DDX59: variants seen among roughly 807,000 people sequenced by gnomAD.
DDX59 encodes DEAD-box helicase 59, also known as probable ATP-dependent RNA helicase DDX59.
Under a neutral mutation model 51.9 loss-of-function variants are expected in DDX59, and 30 were observed. The observed-to-expected ratio is 0.58, with a 90% CI of 0.43 to 0.78. The LOEUF (loss-of-function observed/expected upper bound fraction) is 0.78, where lower values mean the gene tolerates loss of function less well. Ranked by LOEUF, DDX59 falls within the 30% of genes least tolerant of loss-of-function variation. The pLI is 0.00. For missense variants in DDX59, 672 were observed against 730.8 expected (o/e 0.92, Z 0.93); for synonymous variants, 255 against 253.3 (o/e 1.01, Z -0.06).
intron 7 of DDX59, 93 bp from the exon 8 acceptor site, chr1:200,644,610 T>TACTG (rs1157516962): frequency 1.0e-5 from 15 of 1,440,530 alleles, no homozygotes; most frequent in African/African-American, 4.3e-5. Flanking sequence ...AAAGTAGCAT[T>TACTG]ACTGGCTGGG....
rs1360411521 is a variant in DDX59 at position 200,650,481 on chromosome 1, T to C, written c.1258A>G (p.Ile420Val). 4.3e-6 allele frequency: 7 copies of C among 1,613,990 alleles called. No homozygotes were observed. The highest frequency in any genetic ancestry group is 5.9e-6 in the Non-Finnish European group (7 of 1,179,886). ...GCTGGGTCTTCTACCCACAAAATAATCTGACGTACATTGGCACAAGGTAGG... is the reference window on the plus strand; with the variant it reads ...GCTGGGTCTTCTACCCACAAAATAACCTGACGTACATTGGCACAAGGTAGG... ...KNLPCANVRQ[I>V]ILWVEDPAKK... Residue 420 changes from isoleucine (I) to valine (V), a missense_variant, in exon 5 of 8, where the codon ATT becomes GTT. Physicochemically the swap from Ile to Val is conservative, Grantham distance 29. Coordinates refer to ENST00000331314, the MANE Select transcript of DDX59 (RefSeq NM_001031725.6).
intron 1 of DDX59, among the ~76,000 whole-genome samples, chr1:200,667,036 G>A (rs1390774900): frequency 2.0e-5 from 3 of 151,188 alleles, no homozygotes; most frequent in Non-Finnish European, 4.4e-5. Context: ...TGATCCCGGG[G>A]GGCAGAGATT....
chr1:200,642,866 G>A (rs762514466), downstream of DDX59, among the ~76,000 whole-genome samples: 5 of 152,054 alleles, frequency 3.3e-5, no homozygotes, highest in African/African-American at 7.2e-5. Context: ...AATGACCGAC[G>A]CAATAAAAAA....
chr1:200,659,036 T>G lies in DDX59; in HGVS notation c.1053A>C (p.Val351=). 6.2e-7 allele frequency: 1 copy of G among 1,611,114 alleles called. No individual in the cohort carries two copies. The highest frequency in any genetic ancestry group is 8.5e-7 in the Non-Finnish European group (1 of 1,178,676). ...AAATACCACTACTTACTTCATCTAC[T>G]ACCACAATCTTTACACCACAGAGTT... is the stretch of plus-strand genomic sequence containing the variant. The part of the protein sequence containing the change: ...SVELCGVKIV[V]VDEADTMLKM... Residue 351 remains valine (V), a synonymous_variant, in exon 4 of 8, where the codon GTA becomes GTC. Transcript: ENST00000331314.
At chr1:200,654,105 C>G (rs1661845493) in intron 4 of DDX59, among the ~76,000 whole-genome samples, 1 of 152,172 alleles carries the variant, frequency 6.6e-6, no homozygotes, top group South Asian at 2.1e-4. Flanking sequence ...TGGCCCAAAC[C>G]TCTCTGAAGA....
intron 4 of DDX59, among the ~76,000 whole-genome samples, chr1:200,653,782 C>T (rs531566387): frequency 2.6e-5 from 4 of 152,176 alleles, no homozygotes; most frequent in Non-Finnish European, 5.9e-5. Flanking sequence ...TGAAAGTCTT[C>T]CCTCCAGATG....
At chr1:200,647,864 C>A (rs1164624925) in intron 7 of DDX59, among the ~76,000 whole-genome samples, 2 of 151,182 alleles carry the variant, frequency 1.3e-5, no homozygotes, top group Admixed American at 6.6e-5. Context: ...ATCCAAGTTA[C>A]TTGGGAGGCT....
intron 7 of DDX59, among the ~76,000 whole-genome samples, chr1:200,647,463 T>TA (rs748315574): frequency 5.2e-4 from 79 of 152,164 alleles, no homozygotes; most frequent in Middle Eastern, 3.4e-3. Flanking sequence ...TTTTTGATTA[T>TA]AAAATCTCAC....
chr1:200,644,284 T>C lies in DDX59; in HGVS notation c.1830A>G (p.Arg610=). Residue 610 remains arginine (R), a synonymous_variant, in exon 8 of 8, where the codon AGA becomes AGG. Transcript: ENST00000331314. Reference sequence around the variant, plus strand: ...TCTGAGAATTACTTTTATCATGTTTTCTGATAATATCCATAAGATTAGCTC... The same window carrying C: ...TCTGAGAATTACTTTTATCATGTTTCCTGATAATATCCATAAGATTAGCTC... The part of the protein sequence containing the change: ...VTGANLMDII[R]KHDKSNSQK 6.4e-7 allele frequency: 1 copy of C among 1,561,326 alleles called. No individual in the cohort carries two copies.
In DDX59 at chr1:200,654,071, T is replaced by C. The variant is rs1276093985; in HGVS notation, c.1063-3395A>G. Among the ~76,000 whole-genome samples, 7 of 152,284 alleles carry C rather than the reference T, an allele frequency of 4.6e-5. No individual in the cohort carries two copies. In the East Asian group the frequency reaches 1.4e-3, roughly 29 times the overall value. On this transcript the variant is annotated intron_variant, in intron 4 of 7. Coordinates refer to ENST00000331314, the MANE Select transcript of DDX59 (RefSeq NM_001031725.6). ...TAAGCACTGAATAAGCACCTTCCTA[T>C]GTCAGGCAACTTACTAGTCAGTGTG...
intron 4 of DDX59, among the ~76,000 whole-genome samples, chr1:200,653,572 A>T (rs1661809299): frequency 6.6e-6 from 1 of 152,206 alleles, no homozygotes; most frequent in African/African-American, 2.4e-5. Flanking sequence ...TCCTCTGCTT[A>T]AACCCTCCAA....
chr1:200,659,284 A>C (rs1471526378), intron 3 of DDX59, among the ~76,000 whole-genome samples, 168 bp from the exon 4 acceptor site: 1 of 152,244 alleles, frequency 6.6e-6, no homozygotes, highest in East Asian at 1.9e-4. Flanking sequence ...CTTGTAATAC[A>C]AAGGAAGAAA....
chr1:200,644,448 G>C lies in DDX59; in HGVS notation c.1666C>G (p.Leu556Val), dbSNP rs1661167030. 2 of 1,612,178 alleles carry C rather than the reference G, an allele frequency of 1.2e-6. 1 individual carries two copies. The change falls in exon 8 of 8, where the codon CTC (leucine) becomes GTC (valine). Residue 556 changes from leucine to valine, a missense_variant. Transcript: ENST00000331314. Reference sequence around the variant, plus strand: ...ACTCGTTTTGCAATATCCCAGAAGAGTCTTTTTGAATTATTATTGATGAAA... The same window carrying C: ...ACTCGTTTTGCAATATCCCAGAAGACTCTTTTTGAATTATTATTGATGAAA... Reference protein sequence around the residue: ...ITFINNNSKRLFWDIAKRVKP... With the variant: ...ITFINNNSKRVFWDIAKRVKP...
intron 7 of DDX59, among the ~76,000 whole-genome samples, chr1:200,645,111 A>G (rs575799297): frequency 2.0e-5 from 3 of 152,234 alleles, no homozygotes; most frequent in Admixed American, 1.3e-4. Flanking sequence ...TTATACCTGT[A>G]TGGGTGGTGT....
chr1:200,657,934 A>G (rs545963293), intron 4 of DDX59, among the ~76,000 whole-genome samples: 1 of 152,012 alleles, frequency 6.6e-6, no homozygotes, highest in East Asian at 1.9e-4. Context: ...AAAAAAAGCC[A>G]TTTTCACCAT....
intron 3 of DDX59, among the ~76,000 whole-genome samples, chr1:200,661,396 GA>G (rs1335430514): frequency 6.6e-6 from 1 of 151,962 alleles, no homozygotes; most frequent in African/African-American, 2.4e-5. Flanking sequence ...ACTCAAAGGG[GA>G]AAAAAATAAA....
At chr1:200,650,885 T>C (rs1433467999) in intron 4 of DDX59, among the ~76,000 whole-genome samples, 1 of 152,326 alleles carries the variant, frequency 6.6e-6, no homozygotes, top group East Asian at 1.9e-4. Context: ...AGATTGTTAT[T>C]ATTGGCATTA....
At chr1:200,648,970 TA>T in intron 6 of DDX59, 103 bp downstream of exon 6, 1 of 1,179,770 alleles carries the variant, frequency 8.5e-7, no homozygotes. Context: ...TTGTAGTCAT[TA>T]AAAGAGGATC....
chr1:200,644,839 T>C (rs755932163), intron 7 of DDX59, among the ~76,000 whole-genome samples: 2 of 132,246 alleles, frequency 1.5e-5, no homozygotes, highest in Non-Finnish European at 3.0e-5. Flanking sequence ...GAGCTTGCAA[T>C]GAGCTGAGAT....
Sources: gnomAD v4.1 joint callset for allele counts (sites outside exome capture counted in the v4.1 genomes callset) on GRCh38, gnomAD v4.1.1 for gene constraint, MANE v1.5 for transcripts, NCBI Gene and HGNC (gene_info 2026-07-23, HGNC 2026-07-21) for gene names.